KAZN: variants seen among roughly 807,000 people sequenced by gnomAD.
KAZN encodes kazrin, periplakin interacting protein.
In KAZN, 40 loss-of-function variants were observed where a neutral mutation model predicts 87.4. The ratio of observed to expected loss-of-function variants is 0.46; its 90% CI spans 0.36 to 0.60. The LOEUF (loss-of-function observed/expected upper bound fraction) is 0.60, where lower values mean the gene tolerates loss of function less well. KAZN is among the 20% of genes least tolerant of loss of function. The pLI, the probability that KAZN is intolerant of heterozygous loss-of-function variation, is 0.00. For missense variants in KAZN, 898 were observed against 1,073.9 expected, an observed-to-expected ratio of 0.84 and a Z score of 2.29; for synonymous variants, 466 against 458.3, an observed-to-expected ratio of 1.02 and a Z score of -0.22.
At chr1:14,992,788 C>G (rs535776352) in intron 2 of KAZN, among the ~76,000 whole-genome samples, 1 of 151,844 alleles carries the variant, frequency 6.6e-6, no homozygotes, top group African/African-American at 2.4e-5. Flanking sequence ...GGATTATAGG[C>G]GCCCACCAAC....
intron 1 of KAZN, among the ~76,000 whole-genome samples, chr1:14,115,812 T>A (rs1281988782): frequency 6.6e-6 from 1 of 152,164 alleles, no homozygotes; most frequent in Admixed American, 6.5e-5. Context: ...TTGCCCAAAA[T>A]GCTGATAGCG....
chr1:14,459,070 G>A (rs1297145292), intron 2 of KAZN, among the ~76,000 whole-genome samples: 1 of 152,060 alleles, frequency 6.6e-6, no homozygotes, highest in African/African-American at 2.4e-5. Flanking sequence ...TTCAGTGATT[G>A]GACTCCCCCA....
chr1:14,478,304 T>C (rs1425983041), intron 2 of KAZN, among the ~76,000 whole-genome samples: 1 of 132,876 alleles, frequency 7.5e-6, no homozygotes, highest in Non-Finnish European at 1.6e-5. Flanking sequence ...GATGGGAGGA[T>C]ATATGGATGG....
At chr1:14,574,881 G>C (rs992863129) in intron 2 of KAZN, among the ~76,000 whole-genome samples, 10 of 152,164 alleles carry the variant, frequency 6.6e-5, no homozygotes, top group African/African-American at 2.2e-4. Context: ...CAGAGCAGTG[G>C]CTGTCTCTGT....
intron 2 of KAZN, among the ~76,000 whole-genome samples, chr1:14,554,639 A>G (rs1167243741): frequency 6.6e-6 from 1 of 152,224 alleles, no homozygotes; most frequent in Admixed American, 6.5e-5. Flanking sequence ...AATTTAGAGG[A>G]AAGCATCTTA....
chr1:14,433,275 C>T (rs1002479609), intron 2 of KAZN, among the ~76,000 whole-genome samples: 6 of 152,202 alleles, frequency 3.9e-5, no homozygotes, highest in South Asian at 2.1e-4. Context: ...GAGACAACTG[C>T]TCTCCTGGCT....
intron 2 of KAZN, among the ~76,000 whole-genome samples, chr1:14,353,970 A>G (rs1302116983): frequency 6.6e-6 from 1 of 152,218 alleles, no homozygotes; most frequent in African/African-American, 2.4e-5. Flanking sequence ...GAATTTCTAA[A>G]ACAATATTTA....
chr1:13,974,388 A>C (rs146447433), intron 1 of KAZN, among the ~76,000 whole-genome samples: 2 of 152,320 alleles, frequency 1.3e-5, no homozygotes, highest in Non-Finnish European at 2.9e-5. Context: ...GGTGCCTTTA[A>C]AGATCTGCCC....
Position 15,076,137 on chromosome 1 carries a change from C to T in KAZN, c.1222+10384C>T, listed in dbSNP as rs549031670. On this transcript the variant is annotated intron_variant, in intron 8 of 14. Coordinates refer to ENST00000376030, the MANE Select transcript of KAZN (RefSeq NM_201628.3). The stretch of plus-strand genomic sequence containing the variant: ...CCTCTGACAGCTGTCACTGTGGGCA[C>T]CAGAGCTGTGGTGGCAAGGAGGAGA... 1.1e-3 allele frequency among the ~76,000 whole-genome samples: 166 copies of T among 152,254 alleles called. 1 individual carries two copies. Among genetic ancestry groups the T allele is most frequent in the African/African-American group, 3.8e-3 (160 of 41,562 alleles).
At chr1:14,806,734 G>C (rs1646234802) in intron 1 of KAZN, among the ~76,000 whole-genome samples, 1 of 152,168 alleles carries the variant, frequency 6.6e-6, no homozygotes, top group African/African-American at 2.4e-5. Context: ...TTGAGCTACT[G>C]TCAGGGAGTA....
chr1:14,105,502 T>C (rs1376498085), intron 1 of KAZN, among the ~76,000 whole-genome samples: 1 of 152,218 alleles, frequency 6.6e-6, no homozygotes, highest in Non-Finnish European at 1.5e-5. Context: ...GGGAACCATG[T>C]GCCTCTGGGT....
At chr1:14,487,307 G>A (rs1313819119) in intron 2 of KAZN, among the ~76,000 whole-genome samples, 1 of 152,150 alleles carries the variant, frequency 6.6e-6, no homozygotes, top group Non-Finnish European at 1.5e-5. Flanking sequence ...TTAAGTAATG[G>A]ACAATATGTA....
intron 2 of KAZN, among the ~76,000 whole-genome samples, chr1:14,558,290 T>C (rs1674033432): frequency 6.6e-6 from 1 of 152,138 alleles, no homozygotes; most frequent in African/African-American, 2.4e-5. Context: ...ACCAGCAAAA[T>C]TTAGAAGGTA....
chr1:14,112,414 AC>A lies in KAZN; in HGVS notation c.92-68020del, dbSNP rs1644519273. Among the ~76,000 whole-genome samples the A allele has an allele frequency of 5.1e-5, 4 of 77,742 alleles. 1 individual carries two copies. The highest frequency in any genetic ancestry group is 4.4e-4 in the South Asian group (1 of 2,260). 51.0% of individuals were successfully genotyped at this position (77,742 alleles called of 152,430 possible). A position where few individuals can be genotyped will look rare whatever the true frequency, so the allele number is the denominator to read the frequency against. On this transcript the variant is annotated intron_variant, in intron 1 of 16. Transcript: ENST00000636203. ...GTGAGGAGCTGCCTGCATCCCTCCCACTCCTCTTTGGCCACTGTGGGTTGTC... is the reference window on the plus strand; with the variant it reads ...GTGAGGAGCTGCCTGCATCCCTCCCATCCTCTTTGGCCACTGTGGGTTGTC...
chr1:14,724,785 CTATTTA>C (rs1643300904), intron 1 of KAZN, among the ~76,000 whole-genome samples: 1 of 152,256 alleles, frequency 6.6e-6, no homozygotes, highest in Admixed American at 6.5e-5. Flanking sequence ...AATTGAGCCT[CTATTTA>C]TAATTCTTCC....
intron 1 of KAZN, among the ~76,000 whole-genome samples, chr1:13,943,596 G>A (rs1440338388): frequency 6.6e-6 from 1 of 151,982 alleles, no homozygotes; most frequent in African/African-American, 2.4e-5. Context: ...ATCTACCAAA[G>A]GGAGTTTTCA....
intron 2 of KAZN, among the ~76,000 whole-genome samples, chr1:14,341,801 G>A (rs1241404411): frequency 2.6e-5 from 4 of 152,108 alleles, no homozygotes; most frequent in African/African-American, 4.8e-5. Flanking sequence ...TTTTGTTGTT[G>A]TTTTCTTTAA....
intron 1 of KAZN, among the ~76,000 whole-genome samples, chr1:14,852,114 T>C (rs544733453): frequency 1.3e-5 from 2 of 152,318 alleles, no homozygotes; most frequent in African/African-American, 4.8e-5. Flanking sequence ...AGTCTGGATC[T>C]TGGGGGTCTC....
intron 1 of KAZN, among the ~76,000 whole-genome samples, chr1:14,004,391 G>A (rs1432694654): frequency 1.3e-5 from 2 of 152,192 alleles, no homozygotes; most frequent in Non-Finnish European, 2.9e-5. Flanking sequence ...CAAAATACAT[G>A]TGCATAAATA....
Sources: gnomAD v4.1 joint callset for allele counts (sites outside exome capture counted in the v4.1 genomes callset) on GRCh38, gnomAD v4.1.1 for gene constraint, MANE v1.5 for transcripts, NCBI Gene and HGNC (gene_info 2026-07-23, HGNC 2026-07-21) for gene names.